The following PIWIL1 variants were observed in gnomAD, a reference collection of about 807,000 sequenced individuals.
PIWIL1 encodes the protein piwi like RNA-mediated gene silencing 1, also known as piwi-like protein 1.
PIWIL1 carries 73 observed loss-of-function variants against 114.4 expected under a neutral mutation model. The ratio of observed to expected loss-of-function variants is 0.64; its 90% CI spans 0.53 to 0.78. The LOEUF is 0.78. PIWIL1 is among the 30% of genes least tolerant of loss of function. The probability of loss-of-function intolerance (pLI) is 0.00; values close to 1 mark genes in which losing one functional copy is unlikely to be tolerated. For synonymous variants in PIWIL1, 375 were observed against 369.0 expected, an observed-to-expected ratio of 1.02 and a Z score of -0.19; for missense variants, 723 against 1,063.1, an observed-to-expected ratio of 0.68 and a Z score of 4.45.
At chr12:130,418,380 C>G in the PIWIL1 span, among the ~76,000 whole-genome samples, 1 of 152,140 alleles carries the variant, frequency 6.6e-6, no homozygotes, top group Non-Finnish European at 1.5e-5. Context: ...GAATGTGAAG[C>G]GCTCCATGGC....
chr12:130,385,154 T>G, the PIWIL1 span, among the ~76,000 whole-genome samples: 837 of 152,344 alleles, frequency 5.5e-3, 5 homozygotes, highest in African/African-American at 0.019. Flanking sequence ...GTGTAGTTAG[T>G]TGGCTTGGTG....
the PIWIL1 span, among the ~76,000 whole-genome samples, chr12:130,394,165 A>C: frequency 1.3e-5 from 2 of 152,148 alleles, no homozygotes; most frequent in Non-Finnish European, 2.9e-5. Context: ...TCGTATTCTT[A>C]ATTTCACTTT....
At chr12:130,383,041 T>C in the PIWIL1 span, among the ~76,000 whole-genome samples, 17 of 152,334 alleles carry the variant, frequency 1.1e-4, no homozygotes, top group African/African-American at 3.8e-4. Flanking sequence ...CAAGATAGAT[T>C]GCAAGCTTTA....
At chr12:130,412,842 C>T in the PIWIL1 span, 3 of 1,502,530 alleles carry the variant, frequency 2.0e-6, no homozygotes, top group African/African-American at 2.8e-5. Context: ...TTCAGAAATA[C>T]AATAGTCCCA....
the PIWIL1 span, among the ~76,000 whole-genome samples, chr12:130,418,472 C>T: frequency 1.7e-4 from 26 of 152,310 alleles, no homozygotes; most frequent in East Asian, 4.1e-3. Flanking sequence ...ATGAGAAGGA[C>T]GCCTGCTTTC....
At chr12:130,350,833 C>T (rs2073191581) in intron 9 of PIWIL1, among the ~76,000 whole-genome samples, 1 of 152,044 alleles carries the variant, frequency 6.6e-6, no homozygotes, top group Non-Finnish European at 1.5e-5. Flanking sequence ...TCATATTTTG[C>T]ATGGAAAGTA....
At position 130,343,194 on chromosome 12, in the gene PIWIL1, A is replaced by G. The variant is rs2072973387; in HGVS notation, c.190+93A>G. On this transcript the variant is annotated intron_variant, in intron 3 of 20. Coordinates refer to ENST00000245255, the MANE Select transcript of PIWIL1 (RefSeq NM_004764.5). ...AAACTTGGTACAAAAATTTGTGCTG[A>G]AACTGTTTAAGAAACATTTCCTTAT... 11 of 768,402 alleles carry G rather than the reference A, an allele frequency of 1.4e-5. No individual in the cohort carries two copies. In the South Asian group the frequency reaches 1.8e-4, roughly 13 times the overall value. 47.6% of individuals were successfully genotyped at this position (768,402 alleles called of 1,614,324 possible).
At chr12:130,375,229 T>G (rs2073857976), downstream of PIWIL1, among the ~76,000 whole-genome samples, 1 of 152,200 alleles carries the variant, frequency 6.6e-6, no homozygotes, top group Non-Finnish European at 1.5e-5. Context: ...TCCAGCTTTT[T>G]GCCTACTTGC....
chr12:130,356,350 C>CAATGTAAT (rs1449328949), intron 12 of PIWIL1, among the ~76,000 whole-genome samples: 4 of 150,820 alleles, frequency 2.7e-5, no homozygotes, highest in Non-Finnish European at 4.4e-5. Flanking sequence ...AGTGATCTCA[C>CAATGTAAT]AATGTAATTT....
chr12:130,339,176 C>T (rs1484346445), intron 1 of PIWIL1, among the ~76,000 whole-genome samples: 1 of 152,060 alleles, frequency 6.6e-6, no homozygotes, highest in Non-Finnish European at 1.5e-5. Flanking sequence ...GAGGCGGCGA[C>T]CGCGACGGCC....
At chr12:130,354,461 A>T (rs2073305878) in intron 9 of PIWIL1, 76 bp from the exon 10 acceptor site, 1 of 1,580,836 alleles carries the variant, frequency 6.3e-7, no homozygotes, top group East Asian at 2.2e-5. Context: ...TTTTTAAAAA[A>T]TGAAACCCTT....
chr12:130,392,258 G>A, the PIWIL1 span, among the ~76,000 whole-genome samples: 17,769 of 34,610 alleles, frequency 0.51, 5,441 homozygotes, highest in Non-Finnish European at 0.67. Context: ...CCGTCATCAC[G>A]TGTCCGTCAG....
At chr12:130,390,810 G>T in the PIWIL1 span, among the ~76,000 whole-genome samples, 4 of 152,020 alleles carry the variant, frequency 2.6e-5, no homozygotes, top group Admixed American at 1.3e-4. Context: ...ACAGGTGAGG[G>T]CTGTATGCGG....
intron 9 of PIWIL1, chr12:130,351,439 A>G (rs2073207967): frequency 6.6e-6 from 1 of 152,192 alleles, no homozygotes; most frequent in African/African-American, 2.4e-5. Context: ...GTTCCAGCCT[A>G]GACTTGTCTA....
the PIWIL1 span, among the ~76,000 whole-genome samples, chr12:130,393,721 C>T: frequency 1.3e-5 from 2 of 152,108 alleles, no homozygotes; most frequent in African/African-American, 2.4e-5. Flanking sequence ...TTCTTAAATC[C>T]TTGCCTAGAT....
chr12:130,407,993 G>C, the PIWIL1 span, among the ~76,000 whole-genome samples: 4 of 152,038 alleles, frequency 2.6e-5, no homozygotes, highest in African/African-American at 9.7e-5. Context: ...CTCTACTTTG[G>C]GTCAGTGGTC....
chr12:130,342,481 T>C, intron 1 of PIWIL1, 99 bp from the exon 2 acceptor site: 1 of 713,284 alleles, frequency 1.4e-6, no homozygotes, highest in Non-Finnish European at 2.5e-6. Flanking sequence ...CCTGGGGAGC[T>C]TACTTTTGAA....
rs750233900 is a variant in PIWIL1, at chr12:130,342,607, C to CGAGCCA, written c.26_31dup (p.Ala9_Arg10dup). On this transcript the variant is annotated inframe_insertion, in exon 2 of 21. Coordinates refer to ENST00000245255, the MANE Select transcript of PIWIL1 (RefSeq NM_004764.5). Reference sequence around the variant, plus strand: ...ATAGAAAACAATGACTGGGAGAGCCCGAGCCAGAGCCAGAGGAAGGGCCCG... The same window carrying CGAGCCA: ...ATAGAAAACAATGACTGGGAGAGCCCGAGCCAGAGCCAGAGCCAGAGGAAGGGCCCG... 23 of 1,613,344 alleles carry CGAGCCA rather than the reference C, an allele frequency of 1.4e-5. No homozygotes were observed. The highest frequency in any genetic ancestry group is 1.8e-5 in the Non-Finnish European group (21 of 1,179,506).
the PIWIL1 span, among the ~76,000 whole-genome samples, chr12:130,378,593 C>T: frequency 3.3e-5 from 5 of 151,864 alleles, no homozygotes; most frequent in Admixed American, 1.3e-4. Context: ...CTTTACAATG[C>T]GTGAGATTTC....
Sources: allele counts gnomAD v4.1 joint callset (sites outside exome capture counted in the v4.1 genomes callset), GRCh38; gene constraint gnomAD v4.1.1; transcripts MANE v1.5; gene names NCBI Gene and HGNC (gene_info 2026-07-23, HGNC 2026-07-21).